PRKG1: variants seen among roughly 807,000 people sequenced by gnomAD.
PRKG1 encodes protein kinase cGMP-dependent 1.
Under a neutral mutation model 88.1 loss-of-function variants are expected in PRKG1, and 35 were observed. The ratio of observed to expected loss-of-function variants is 0.40; its 90% CI spans 0.30 to 0.53. The LOEUF (loss-of-function observed/expected upper bound fraction) is 0.53, where lower values mean the gene tolerates loss of function less well. Ranked by LOEUF, PRKG1 falls within the 20% of genes least tolerant of loss-of-function variation. The pLI, the probability that PRKG1 is intolerant of heterozygous loss-of-function variation, is 0.59. For missense variants in PRKG1, 540 were observed against 839.8 expected, an observed-to-expected ratio of 0.64 and a Z score of 4.41; for synonymous variants, 303 against 292.5, an observed-to-expected ratio of 1.04 and a Z score of -0.37.
chr10:51,047,174 G>A (rs1457674093), intron 1 of PRKG1, among the ~76,000 whole-genome samples: 1 of 152,146 alleles, frequency 6.6e-6, no homozygotes, highest in African/African-American at 2.4e-5. Flanking sequence ...AGAGCCTCAA[G>A]GTCTGTAGTC....
At chr10:51,074,933 G>A in intron 1 of PRKG1, 32 bp downstream of exon 1, 1 of 1,551,218 alleles carries the variant, frequency 6.4e-7, no homozygotes, top group South Asian at 1.2e-5. Context: ...GGTCCATGTG[G>A]CGCCCTGGCG....
At chr10:51,450,885 A>G (rs1839417955) in intron 2 of PRKG1, among the ~76,000 whole-genome samples, 1 of 151,778 alleles carries the variant, frequency 6.6e-6, no homozygotes, top group African/African-American at 2.4e-5. Flanking sequence ...TTGTGGCAAA[A>G]GCATTATAGA....
chr10:52,203,739 T>C (rs1839737086), intron 9 of PRKG1, among the ~76,000 whole-genome samples: 1 of 152,232 alleles, frequency 6.6e-6, no homozygotes, highest in Admixed American at 6.5e-5. Flanking sequence ...GTCTTCTTAT[T>C]GAATTGAACA....
intron 3 of PRKG1, among the ~76,000 whole-genome samples, chr10:51,712,953 C>T (rs1841796176): frequency 6.9e-6 from 1 of 144,580 alleles, no homozygotes; most frequent in Non-Finnish European, 1.5e-5. Context: ...GCTCATTCTA[C>T]CTACACAATA....
At chr10:51,473,723 GA>G (rs1840114901) in intron 3 of PRKG1, among the ~76,000 whole-genome samples, 1 of 151,256 alleles carries the variant, frequency 6.6e-6, no homozygotes, top group African/African-American at 2.4e-5. Context: ...GGTAATTTAT[GA>G]GGAAATCTAA....
intron 5 of PRKG1, among the ~76,000 whole-genome samples, chr10:51,924,508 C>G (rs1450924183): frequency 6.6e-6 from 1 of 152,080 alleles, no homozygotes; most frequent in Non-Finnish European, 1.5e-5. Flanking sequence ...GTGATACACA[C>G]AGGTGTGAAT....
At position 51,261,110 on chromosome 10, in the gene PRKG1, A is replaced by G. The variant is rs147979199; in HGVS notation, c.478+107780A>G. ...TATATTCTTTTGGAATCCCAAAGGA[A>G]GATATTATTAAATACAAATGGAGAG... On this transcript the variant is annotated intron_variant, in intron 2 of 17. Coordinates refer to ENST00000373980, the MANE Select transcript of PRKG1 (RefSeq NM_006258.4). 2.6e-3 allele frequency among the ~76,000 whole-genome samples: 389 copies of G among 152,374 alleles called. 2 individuals are homozygous for G. The highest frequency in any genetic ancestry group is 8.7e-3 in the African/African-American group (360 of 41,592).
intron 2 of PRKG1, among the ~76,000 whole-genome samples, chr10:51,411,427 GA>G (rs1348933308): frequency 1.5e-4 from 23 of 152,308 alleles, no homozygotes; most frequent in Non-Finnish European, 1.8e-4. Context: ...GAAGTTAAAA[GA>G]AAAGTTACAT....
At chr10:51,022,572 C>A (rs994501108) in intron 1 of PRKG1, among the ~76,000 whole-genome samples, 6 of 152,168 alleles carry the variant, frequency 3.9e-5, no homozygotes, top group Non-Finnish European at 8.8e-5. Flanking sequence ...TGGCAGACAA[C>A]CTGTACTCTC....
At chr10:51,218,538 GTGTATTTGGCATTTATATATA>G (rs1338680338) in intron 2 of PRKG1, among the ~76,000 whole-genome samples, 1 of 130,538 alleles carries the variant, frequency 7.7e-6, no homozygotes, top group African/African-American at 2.8e-5. Context: ...TATAAAATGT[GTGTATTTGGCATTTATATATA>G]TGTATTTGGC....
intron 2 of PRKG1, among the ~76,000 whole-genome samples, chr10:51,395,515 T>C (rs958997781): frequency 3.1e-5 from 3 of 96,544 alleles, no homozygotes; most frequent in Admixed American, 1.7e-4. Context: ...CAAAGAGAGC[T>C]GTCTCTTTAG....
At chr10:51,943,561 G>T in intron 5 of PRKG1, among the ~76,000 whole-genome samples, 1 of 151,994 alleles carries the variant, frequency 6.6e-6, no homozygotes, top group Non-Finnish European at 1.5e-5. Context: ...TCCAGTTTTT[G>T]CCCATTCAGT....
At chr10:51,469,284 G>A (rs1327013520) in intron 3 of PRKG1, among the ~76,000 whole-genome samples, 1 of 151,726 alleles carries the variant, frequency 6.6e-6, no homozygotes, top group Non-Finnish European at 1.5e-5. Context: ...TGATATCTCA[G>A]TATTATAAGT....
chr10:51,813,181 G>T (rs997307006), intron 4 of PRKG1, among the ~76,000 whole-genome samples: 2 of 152,114 alleles, frequency 1.3e-5, no homozygotes, highest in Non-Finnish European at 2.9e-5. Context: ...TAAGCCATTA[G>T]CACAAAAGCA....
At chr10:51,496,010 GA>G (rs1840840517) in intron 3 of PRKG1, among the ~76,000 whole-genome samples, 1 of 152,140 alleles carries the variant, frequency 6.6e-6, no homozygotes, top group Admixed American at 6.5e-5. Flanking sequence ...AAGTACCTTA[GA>G]TTTTTTTAAC....
chr10:52,156,582 T>A (rs1330694186), intron 8 of PRKG1, among the ~76,000 whole-genome samples: 2 of 151,774 alleles, frequency 1.3e-5, no homozygotes, highest in African/African-American at 4.8e-5. Context: ...GCTGGTTTTA[T>A]TTTATTTGGG....
chr10:51,240,385 T>C (rs1839120490), intron 2 of PRKG1, among the ~76,000 whole-genome samples: 1 of 152,194 alleles, frequency 6.6e-6, no homozygotes, highest in Non-Finnish European at 1.5e-5. Flanking sequence ...CAATTTTGCC[T>C]GAGAAAAGAT....
chr10:51,573,764 A>G (rs10508948), intron 3 of PRKG1, among the ~76,000 whole-genome samples: 3,839 of 151,958 alleles, frequency 0.025, 138 homozygotes, highest in African/African-American at 0.082. Flanking sequence ...GAACTCGGTA[A>G]AAGTCTTTCT....
intron 3 of PRKG1, among the ~76,000 whole-genome samples, chr10:51,677,589 A>C (rs1840742238): frequency 6.6e-6 from 1 of 152,204 alleles, no homozygotes; most frequent in African/African-American, 2.4e-5. Context: ...ACCCTTAATA[A>C]ATACACTCGC....
Sources: allele counts gnomAD v4.1 joint callset (sites outside exome capture counted in the v4.1 genomes callset), GRCh38; gene constraint gnomAD v4.1.1; transcripts MANE v1.5; gene names NCBI Gene and HGNC (gene_info 2026-07-23, HGNC 2026-07-21).